DLGAP1: variants seen among roughly 807,000 people sequenced by gnomAD.
DLGAP1 encodes the protein DLG associated protein 1.
DLGAP1 carries 11 observed loss-of-function variants against 90.8 expected under a neutral mutation model. The observed-to-expected ratio is 0.12, with a 90% CI of 0.08 to 0.20. The LOEUF (loss-of-function observed/expected upper bound fraction) is 0.20. DLGAP1 is among the 10% of genes least tolerant of loss of function. The pLI is 1.00. For synonymous variants in DLGAP1, 558 were observed against 540.7 expected (o/e 1.03, Z -0.44); for missense variants, 1,050 against 1,333.8 (o/e 0.79, Z 3.31).
intron 7 of DLGAP1, among the ~76,000 whole-genome samples, chr18:3,621,533 T>G (rs982843240): frequency 1.3e-5 from 2 of 152,226 alleles, no homozygotes; most frequent in African/African-American, 4.8e-5. Context: ...CAGAGAGTTT[T>G]GGCCAAAGGG....
intron 1 of DLGAP1, among the ~76,000 whole-genome samples, chr18:4,423,434 T>C (rs1306485186): frequency 1.3e-5 from 2 of 152,242 alleles, no homozygotes; most frequent in African/African-American, 2.4e-5. Flanking sequence ...GCCTACTAAG[T>C]GCACGGCATT....
intron 10 of DLGAP1, among the ~76,000 whole-genome samples, chr18:3,519,470 C>T (rs186632582): frequency 2.7e-4 from 41 of 152,274 alleles, no homozygotes; most frequent in African/African-American, 8.7e-4. Context: ...CAACTCAACC[C>T]CTATTCCCTC....
rs747077794 is a variant in DLGAP1 at position 3,879,721 on chromosome 18, A to G, written c.348T>C (p.Asp116=). 40 of 1,608,696 alleles carry G rather than the reference A, an allele frequency of 2.5e-5. No homozygotes were observed. Among genetic ancestry groups the G allele is most frequent in the Non-Finnish European group, 3.2e-5 (38 of 1,179,874 alleles). The part of the protein sequence containing the change: ...QFERQLPLSR[D]GYHTLQYKRT... ...GCTTGTACTGCAGGGTGTGATAGCC[A>G]TCGCGGCTGAGTGGCAGCTGCCGCT... The change falls in exon 4 of 13, where the codon GAT becomes GAC. Residue 116 remains aspartate (D), a synonymous_variant. Transcript: ENST00000315677. This position sits in a 1 kb window ranked among gnomAD's most constrained non-coding sequence, Gnocchi z 6.6.
intron 3 of DLGAP1, among the ~76,000 whole-genome samples, chr18:3,910,106 G>A (rs1040535570): frequency 3.3e-5 from 5 of 150,162 alleles, no homozygotes; most frequent in East Asian, 1.9e-4. Context: ...GTTGGACTAC[G>A]AAAATGAATA....
At chr18:3,632,139 C>A (rs1272323786) in intron 7 of DLGAP1, among the ~76,000 whole-genome samples, 1 of 152,152 alleles carries the variant, frequency 6.6e-6, no homozygotes, top group African/African-American at 2.4e-5. Context: ...TAATTATTAA[C>A]CACTGTATTG....
At chr18:4,183,031 A>C (rs1314756828) in intron 1 of DLGAP1, among the ~76,000 whole-genome samples, 1 of 152,170 alleles carries the variant, frequency 6.6e-6, no homozygotes, top group East Asian at 1.9e-4. Flanking sequence ...TTTCAAAGGT[A>C]GGCCAATGAC....
intron 1 of DLGAP1, among the ~76,000 whole-genome samples, chr18:4,165,237 T>C (rs2144540560): frequency 6.6e-6 from 1 of 152,134 alleles, no homozygotes; most frequent in South Asian, 2.1e-4. Flanking sequence ...CAGAGAAAAA[T>C]AATGCCTGTC....
chr18:3,690,873 T>C (rs1482886174), intron 7 of DLGAP1, among the ~76,000 whole-genome samples: 1 of 152,242 alleles, frequency 6.6e-6, no homozygotes, highest in Non-Finnish European at 1.5e-5. Flanking sequence ...TCAGACATGC[T>C]GGCGGTAGCA....
chr18:4,438,808 T>C (rs1166162425), intron 1 of DLGAP1, among the ~76,000 whole-genome samples: 1 of 152,186 alleles, frequency 6.6e-6, no homozygotes, highest in South Asian at 2.1e-4. Context: ...ATTTCATATA[T>C]TGCTGAAATC....
chr18:3,795,127 T>TG (rs2065924471), intron 5 of DLGAP1, among the ~76,000 whole-genome samples: 1 of 152,136 alleles, frequency 6.6e-6, no homozygotes, highest in Non-Finnish European at 1.5e-5. Context: ...TATAACTCAT[T>TG]CTAGCCAGGA....
rs116717099 is a variant in DLGAP1 at position 3,525,762 on chromosome 18, G to A, written c.2479+8432C>T. Among the ~76,000 whole-genome samples, 933 of 152,276 alleles carry A rather than the reference G, an allele frequency of 6.1e-3. 14 individuals carry two copies. The highest frequency in any genetic ancestry group is 0.021 in the African/African-American group (891 of 41,560). ...AGAAAATGATAGGAGGTCTTGCTCC[G>A]TGAGCCAGTCCCTCTCTTTGCCATC... On this transcript the variant is annotated intron_variant, in intron 10 of 12. Transcript: ENST00000315677.
intron 5 of DLGAP1, among the ~76,000 whole-genome samples, chr18:3,750,612 C>G (rs72860493): frequency 0.017 from 2,585 of 152,316 alleles, 36 homozygotes; most frequent in East Asian, 0.056. Flanking sequence ...ATGCTCCTAT[C>G]ATGAGTCCTG....
chr18:4,257,280 G>A (rs2078907664), intron 1 of DLGAP1, among the ~76,000 whole-genome samples: 1 of 152,160 alleles, frequency 6.6e-6, no homozygotes. Context: ...CATCAACATG[G>A]TAAAATTTAG....
chr18:3,501,949 GAAAAAAAAAAA>G (rs36071304), intron 12 of DLGAP1, among the ~76,000 whole-genome samples: 1 of 109,374 alleles, frequency 9.1e-6, no homozygotes, highest in African/African-American at 3.6e-5. Flanking sequence ...AAACTGTTTT[GAAAAAAAAAAA>G]AAAAAAAAAC....
intron 3 of DLGAP1, among the ~76,000 whole-genome samples, chr18:3,952,770 G>A (rs6506142): frequency 0.69 from 105,119 of 152,158 alleles, 36,567 homozygotes; most frequent in African/African-American, 0.76. Flanking sequence ...GTACTGAACA[G>A]TTGTCTTTAT....
chr18:4,337,958 A>T (rs1370630430), intron 1 of DLGAP1, among the ~76,000 whole-genome samples: 3 of 152,196 alleles, frequency 2.0e-5, no homozygotes, highest in African/African-American at 7.2e-5. Flanking sequence ...TTTCGCTTTT[A>T]AAAAATTATC....
intron 5 of DLGAP1, among the ~76,000 whole-genome samples, chr18:3,768,943 CTT>C (rs1433481173): frequency 1.3e-5 from 2 of 152,072 alleles, no homozygotes; most frequent in Non-Finnish European, 2.9e-5. Context: ...GAATTAAAAA[CTT>C]TAGCTCTGTG....
At chr18:4,380,881 C>T (rs1021658149) in intron 1 of DLGAP1, among the ~76,000 whole-genome samples, 1 of 152,140 alleles carries the variant, frequency 6.6e-6, no homozygotes. Context: ...ATGCAGCTGC[C>T]AATATGGTTC....
intron 2 of DLGAP1, among the ~76,000 whole-genome samples, chr18:4,147,452 A>C (rs2144366195): frequency 6.6e-6 from 1 of 152,294 alleles, no homozygotes; most frequent in Middle Eastern, 3.4e-3. Flanking sequence ...TTATATAATA[A>C]GGTTTCTGTG....
Sources: allele counts gnomAD v4.1 joint callset (sites outside exome capture counted in the v4.1 genomes callset), GRCh38; gene constraint gnomAD v4.1.1; non-coding constraint Gnocchi (gnomAD v3.1); transcripts MANE v1.5; gene names NCBI Gene and HGNC (gene_info 2026-07-23, HGNC 2026-07-21).